Variants in ZSCAN21 observed in about 807,000 individuals in gnomAD.
The protein encoded by ZSCAN21 is zinc finger and SCAN domain-containing protein 21.
ZSCAN21 carries 26 observed loss-of-function variants against 35.6 expected under a neutral mutation model. The ratio of observed to expected loss-of-function variants is 0.73; its 90% confidence interval spans 0.54 to 1.01. The LOEUF (loss-of-function observed/expected upper bound fraction) is 1.01. ZSCAN21 is among the 50% of genes least tolerant of loss of function. The pLI, the probability that ZSCAN21 is intolerant of heterozygous loss-of-function variation, is 0.00. For synonymous variants in ZSCAN21, 219 were observed against 219.3 expected (o/e 1.00, Z 0.01); for missense variants, 593 against 587.1 (o/e 1.01, Z -0.10).
rs907996211 is a variant in ZSCAN21, at chr7:100,054,547, G to A, written c.-96-2364G>A. ...TTACAGGCGTGAGTCACCGCACCCCGCCTTAGTTATAGTGCTTTTGAACAA... is the reference window on the plus strand; with the variant it reads ...TTACAGGCGTGAGTCACCGCACCCCACCTTAGTTATAGTGCTTTTGAACAA... On this transcript the variant is annotated intron_variant, in intron 1 of 3. Transcript: ENST00000292450. Among the ~76,000 whole-genome samples the A allele has an allele frequency of 5.3e-5, 8 of 152,100 alleles. No homozygotes were observed. The East Asian group carries it at 7.7e-4, about 15-fold the overall frequency.
chr7:100,059,158 G>A (rs1352230130), intron 3 of ZSCAN21, among the ~76,000 whole-genome samples: 1 of 152,188 alleles, frequency 6.6e-6, no homozygotes, highest in Non-Finnish European at 1.5e-5. Flanking sequence ...CTCCCTCCAT[G>A]CTTGCTGTGT....
At chr7:100,061,080 C>T (rs1792273782) in intron 3 of ZSCAN21, among the ~76,000 whole-genome samples, 1 of 151,952 alleles carries the variant, frequency 6.6e-6, no homozygotes, top group African/African-American at 2.4e-5. Flanking sequence ...GTAACCAAGA[C>T]ATAAAAGACG....
At position 100,057,300 on chromosome 7, in the gene ZSCAN21, C is replaced by G; in HGVS notation, c.294C>G (p.Pro98=). 6.2e-7 allele frequency: 1 copy of G among 1,613,396 alleles called. No individual in the cohort carries two copies. Among genetic ancestry groups the G allele is most frequent in the Middle Eastern group, 1.7e-4 (1 of 6,056 alleles). The change falls in exon 2 of 4, where the codon CCC becomes CCG. Residue 98 remains proline, a synonymous_variant. Transcript: ENST00000292450. The part of the protein sequence containing the change: ...LVLEQFLTIL[P]QELQAWVQEH... ...TGGAGCAGTTCCTGACCATCCTGCCCCAGGAGCTCCAGGCCTGGGTGCAGG... is the reference window on the plus strand; with the variant it reads ...TGGAGCAGTTCCTGACCATCCTGCCGCAGGAGCTCCAGGCCTGGGTGCAGG...
rs1366984632 is a variant in ZSCAN21 at position 100,057,119 on chromosome 7, T to A, written c.113T>A (p.Leu38His). Reference sequence around the variant, plus strand: ...GAGAAAGAAGAGAAAGGCAAGTACCTTCCTAGCCTGGAGATGTTCCGCCAG... The same window carrying A: ...GAGAAAGAAGAGAAAGGCAAGTACCATCCTAGCCTGGAGATGTTCCGCCAG... ...VEEKEEKGKY[L>H]PSLEMFRQRF... Residue 38 changes from leucine to histidine, a missense_variant, in exon 2 of 4, where the codon CTT becomes CAT. Coordinates refer to ENST00000292450, the MANE Select transcript of ZSCAN21 (RefSeq NM_145914.3). 5 of 1,614,124 alleles carry A rather than the reference T, an allele frequency of 3.1e-6. No individual in the cohort carries two copies. Among genetic ancestry groups the A allele is most frequent in the Non-Finnish European group, 4.2e-6 (5 of 1,180,026 alleles).
chr7:100,062,612 T>C (rs1438714128), intron 3 of ZSCAN21, among the ~76,000 whole-genome samples: 1 of 142,032 alleles, frequency 7.0e-6, no homozygotes, highest in Non-Finnish European at 1.5e-5. Context: ...AAAAAAAACA[T>C]CTGGGCACGG....
intron 1 of ZSCAN21, among the ~76,000 whole-genome samples, 152 bp downstream of exon 1, chr7:100,049,993 C>G (rs1791800286): frequency 6.6e-6 from 1 of 152,196 alleles, no homozygotes; most frequent in Non-Finnish European, 1.5e-5. Context: ...GCTCCTCGTC[C>G]CCGCCCAGGA....
intron 1 of ZSCAN21, among the ~76,000 whole-genome samples, chr7:100,050,822 G>T (rs1454754224): frequency 6.6e-6 from 1 of 152,158 alleles, no homozygotes; most frequent in Non-Finnish European, 1.5e-5. Flanking sequence ...GTGTTGGAAG[G>T]CTGCTATGGA....
At chr7:100,052,471 G>A (rs1368672622) in intron 1 of ZSCAN21, among the ~76,000 whole-genome samples, 1 of 151,930 alleles carries the variant, frequency 6.6e-6, no homozygotes, top group Non-Finnish European at 1.5e-5. Flanking sequence ...AGTGAAAGAG[G>A]ATTCGGGATG....
At position 100,049,786 on chromosome 7, in the gene ZSCAN21, G is replaced by T. The variant is rs1317387779; in HGVS notation, c.-152G>T. ...GGGGCTATGACGCACTTCCGGGTGCGCGGTCCCGAGGTACGCGGTGCGGTC... is the reference window on the plus strand; with the variant it reads ...GGGGCTATGACGCACTTCCGGGTGCTCGGTCCCGAGGTACGCGGTGCGGTC... On this transcript the variant is annotated 5_prime_UTR_variant, in exon 1 of 4. Transcript: ENST00000292450. 2 of 152,310 alleles carry T rather than the reference G, an allele frequency of 1.3e-5. No individual in the cohort carries two copies. Among genetic ancestry groups the T allele is most frequent in the Non-Finnish European group, 2.9e-5 (2 of 68,088 alleles). 9.4% of individuals were successfully genotyped at this position (152,310 alleles called of 1,614,324 possible).
intron 1 of ZSCAN21, among the ~76,000 whole-genome samples, chr7:100,055,349 C>T (rs1213847441): frequency 6.6e-6 from 1 of 151,828 alleles, no homozygotes; most frequent in Non-Finnish European, 1.5e-5. Flanking sequence ...ATTGCAACCT[C>T]TGCCTCCCAT....
At position 100,056,911 on chromosome 7, in the gene ZSCAN21, G is replaced by C. The variant is rs1792092069; in HGVS notation, c.-96G>C. The C allele has an allele frequency of 7.6e-7, 1 of 1,312,622 alleles. No homozygotes were observed. Among genetic ancestry groups the C allele is most frequent in the Non-Finnish European group, 1.0e-6 (1 of 970,458 alleles). The allele number at this position is 1,312,622 out of a possible 1,614,324, so 81.3% of individuals were successfully genotyped here. On this transcript the variant is annotated splice_region_variant and 5_prime_UTR_variant, in exon 2 of 4. Transcript: ENST00000292450. ...TTTTTTGGTAACTATATTTTCTTAG[G>C]TTTAACTTGTGGCCCTAAAGAACTG...
Position 100,064,526 on chromosome 7 carries a change from A to G in ZSCAN21, c.1331A>G (p.Tyr444Cys). 1 of 1,614,212 alleles carries G rather than the reference A, an allele frequency of 6.2e-7. No homozygotes were observed. Among genetic ancestry groups the G allele is most frequent in the Non-Finnish European group, 8.5e-7 (1 of 1,180,042 alleles). The change falls in exon 4 of 4, where the codon TAC becomes TGC. Residue 444 changes from tyrosine to cysteine, a missense_variant. Tyr to Cys is a radical substitution (Grantham distance 194). Coordinates refer to ENST00000292450, the MANE Select transcript of ZSCAN21 (RefSeq NM_145914.3). ...HHRIHTGEKP[Y>C]WCHHCGKTFC... Reference sequence around the variant, plus strand: ...AGAATCCACACCGGGGAAAAGCCCTACTGGTGTCATCACTGTGGAAAGACC... The same window carrying G: ...AGAATCCACACCGGGGAAAAGCCCTGCTGGTGTCATCACTGTGGAAAGACC...
intron 1 of ZSCAN21, among the ~76,000 whole-genome samples, chr7:100,053,548 T>TACATAA (rs1562843624): frequency 6.4e-5 from 9 of 139,886 alleles, no homozygotes; most frequent in African/African-American, 2.6e-4. Context: ...CATACATAAT[T>TACATAA]TTTTTTTTTT....
At chr7:100,060,484 G>A (rs1183670400) in intron 3 of ZSCAN21, among the ~76,000 whole-genome samples, 1 of 151,518 alleles carries the variant, frequency 6.6e-6, no homozygotes, top group Non-Finnish European at 1.5e-5. Flanking sequence ...ATCGCTTGAA[G>A]CCAGGAGGCG....
intron 3 of ZSCAN21, among the ~76,000 whole-genome samples, chr7:100,059,031 A>C (rs1792182991): frequency 6.6e-6 from 1 of 152,224 alleles, no homozygotes; most frequent in Admixed American, 6.5e-5. Flanking sequence ...AAAATATGGC[A>C]TATTATTCCA....
intron 3 of ZSCAN21, among the ~76,000 whole-genome samples, chr7:100,059,008 TTA>T (rs1400165817): frequency 6.6e-6 from 1 of 152,246 alleles, no homozygotes; most frequent in African/African-American, 2.4e-5. Flanking sequence ...TAATGTTTAA[TTA>T]TATGTTTGCA....
rs1483690248 is a variant in ZSCAN21, at chr7:100,064,332, T to C, written c.1137T>C (p.Tyr379=). ...GGAAAGGCAGCCTCATTCGTCACTA[T>C]CGGATCCACACTGGGGAGAAGCCTT... is the stretch of plus-strand genomic sequence containing the variant. ...FSGKGSLIRH[Y]RIHTGEKPYQ... is the part of the protein sequence containing the mutation. The change falls in exon 4 of 4, where the codon TAT becomes TAC. Residue 379 remains tyrosine (Y), a synonymous_variant. Transcript: ENST00000292450. The C allele has an allele frequency of 6.2e-7, 1 of 1,613,590 alleles. No individual in the cohort carries two copies. The highest frequency in any genetic ancestry group is 8.5e-7 in the Non-Finnish European group (1 of 1,179,880).
In ZSCAN21 at chr7:100,064,642, G is replaced by A. The variant is rs370065805; in HGVS notation, c.*25G>A. On this transcript the variant is annotated 3_prime_UTR_variant, in exon 4 of 4. Transcript: ENST00000292450. ...ACTTTCAAGCGCTCCTGTTGTTGTC[G>A]TTGTTTTAAACTTTAGAATCTGAAA... The A allele has an allele frequency of 4.5e-5, 72 of 1,604,188 alleles. No individual in the cohort carries two copies. In the South Asian group the frequency reaches 5.1e-4, roughly 11 times the overall value.
intron 3 of ZSCAN21, among the ~76,000 whole-genome samples, chr7:100,063,435 T>TAA (rs955947613): frequency 6.7e-6 from 1 of 150,354 alleles, no homozygotes; most frequent in East Asian, 2.0e-4. Flanking sequence ...CCATCTCTAC[T>TAA]AAAAAAAAAT....
Sources: allele counts gnomAD v4.1 joint callset (sites outside exome capture counted in the v4.1 genomes callset), GRCh38; gene constraint gnomAD v4.1.1; transcripts MANE v1.5; gene names NCBI Gene and HGNC (gene_info 2026-07-23, HGNC 2026-07-21).